Variants in MAML3 observed in about 807,000 individuals in gnomAD.
MAML3 encodes the protein mastermind like transcriptional coactivator 3, also known as mastermind-like protein 3.
Under a neutral mutation model 101.9 loss-of-function variants are expected in MAML3, and 27 were observed. That is an observed-to-expected ratio of 0.27 (90% CI 0.20 to 0.37). The LOEUF (loss-of-function observed/expected upper bound fraction) is 0.37. MAML3 is among the 10% of genes least tolerant of loss of function. The pLI, the probability that MAML3 is intolerant of heterozygous loss-of-function variation, is 1.00. For missense variants in MAML3, 1,316 were observed against 1,444.9 expected (o/e 0.91, Z 1.45); for synonymous variants, 501 against 555.9 (o/e 0.90, Z 1.39).
At chr4:140,053,910 CAG>C (rs1727310561) in intron 1 of MAML3, among the ~76,000 whole-genome samples, 1 of 152,152 alleles carries the variant, frequency 6.6e-6, no homozygotes, top group African/African-American at 2.4e-5. Context: ...AAACATCAGG[CAG>C]GCTAGGGTTT....
intron 1 of MAML3, among the ~76,000 whole-genome samples, chr4:139,995,355 T>C (rs1734787858): frequency 6.6e-6 from 1 of 152,192 alleles, no homozygotes; most frequent in East Asian, 1.9e-4. Flanking sequence ...TGTAATATCA[T>C]TGTCTGGCAT....
chr4:139,802,379 T>C (rs1730625491), intron 2 of MAML3, among the ~76,000 whole-genome samples: 1 of 152,126 alleles, frequency 6.6e-6, no homozygotes, highest in Non-Finnish European at 1.5e-5. Flanking sequence ...ATCCTTCCTA[T>C]CCAGTTGCAT....
At chr4:139,891,608 C>T (rs1732501327) in intron 1 of MAML3, among the ~76,000 whole-genome samples, 1 of 152,122 alleles carries the variant, frequency 6.6e-6, no homozygotes, top group Non-Finnish European at 1.5e-5. Context: ...ATGTAACATA[C>T]TTGAAAACGA....
intron 1 of MAML3, among the ~76,000 whole-genome samples, chr4:140,095,730 C>T: frequency 6.6e-6 from 1 of 152,112 alleles, no homozygotes; most frequent in Non-Finnish European, 1.5e-5. Context: ...CACTGTCACC[C>T]ACTCAATCCT....
At chr4:140,061,040 TAC>T (rs1203089437) in intron 1 of MAML3, among the ~76,000 whole-genome samples, 1 of 152,212 alleles carries the variant, frequency 6.6e-6, no homozygotes, top group Non-Finnish European at 1.5e-5. Context: ...TCAGGTTTTA[TAC>T]AGTCAGGAGT....
In MAML3 at chr4:139,823,657, G is replaced by C. The variant is rs573979548; in HGVS notation, c.2079+65700C>G. ...TCATCATTCCGCCTTCCCTCACCCC[G>C]CTCTGCTTTTTCTTTGTTCCATAGC... is the stretch of plus-strand genomic sequence containing the variant. On this transcript the variant is annotated intron_variant, in intron 2 of 4. Transcript: ENST00000509479. Among the ~76,000 whole-genome samples the C allele has an allele frequency of 3.3e-5, 5 of 150,458 alleles. No homozygotes were observed. The South Asian group carries it at 1.1e-3, about 33-fold the overall frequency.
chr4:140,153,485 G>T lies in MAML3; in HGVS notation c.-158C>A, dbSNP rs1729216402. On this transcript the variant is annotated 5_prime_UTR_variant, in exon 1 of 5. Transcript: ENST00000509479. ...GATCCCGACGGGGCGAAAAAAACGG[G>T]GGGGGAGATTTTGGGGTGGTTTTTG... is the stretch of plus-strand genomic sequence containing the variant. 3 of 811,000 alleles carry T rather than the reference G, an allele frequency of 3.7e-6. No individual in the cohort carries two copies. The highest frequency in any genetic ancestry group is 3.6e-6 in the Non-Finnish European group (2 of 560,854). 50.2% of individuals were successfully genotyped at this position (811,000 alleles called of 1,614,324 possible).
At chr4:139,755,432 C>A (rs2111046818) in intron 2 of MAML3, among the ~76,000 whole-genome samples, 1 of 152,212 alleles carries the variant, frequency 6.6e-6, no homozygotes. Flanking sequence ...TACGGTGAAA[C>A]CCCGTCTCTA....
Position 139,719,364 on chromosome 4 carries a change from C to G in MAML3, c.3376G>C (p.Glu1126Gln). Residue 1126 changes from glutamate to glutamine, a missense_variant, in exon 5 of 5, where the codon GAG becomes CAG. Glu to Gln is a conservative substitution (Grantham distance 29). Coordinates refer to ENST00000509479, the MANE Select transcript of MAML3 (RefSeq NM_018717.5). ...DSIIKGGPGD[E>Q]WMQELDELFG... ...AATTCATCAAGCTCCTGCATCCACT[C>G]GTCCCCTGGCCCGCCTTTGATGATG... The G allele has an allele frequency of 6.2e-7, 1 of 1,608,410 alleles. No homozygotes were observed. The highest frequency in any genetic ancestry group is 1.1e-5 in the South Asian group (1 of 90,492).
rs61371579 is a variant in MAML3, at chr4:139,894,031, G to A, written c.469-3064C>T. 9.3e-3 allele frequency among the ~76,000 whole-genome samples: 1,422 copies of A among 152,228 alleles called. 17 individuals are homozygous for A. The highest frequency in any genetic ancestry group is 0.032 in the African/African-American group (1,332 of 41,534). ...ACTCTCTTATTCTTGGCAAGGTGCC[G>A]TGTATTACAGAACCAATGCAAGAGA... On this transcript the variant is annotated intron_variant, in intron 1 of 4. Coordinates refer to ENST00000509479, the MANE Select transcript of MAML3 (RefSeq NM_018717.5).
intron 2 of MAML3, among the ~76,000 whole-genome samples, chr4:139,795,451 A>C (rs1269602645): frequency 6.6e-6 from 1 of 152,202 alleles, no homozygotes; most frequent in Admixed American, 6.5e-5. Context: ...TAAGGGTGAA[A>C]TTAGAATGGT....
At chr4:139,946,889 C>CCACA (rs544250515) in intron 1 of MAML3, among the ~76,000 whole-genome samples, 20,765 of 125,030 alleles carry the variant, frequency 0.17, 1,640 homozygotes, top group East Asian at 0.33. Flanking sequence ...GCAGAGTAAG[C>CCACA]CACACACACA....
At chr4:140,074,581 A>G (rs574872848) in intron 1 of MAML3, among the ~76,000 whole-genome samples, 10 of 152,362 alleles carry the variant, frequency 6.6e-5, no homozygotes, top group East Asian at 1.9e-4. Flanking sequence ...CACAACATGC[A>G]GTCTATTCCG....
intron 2 of MAML3, among the ~76,000 whole-genome samples, chr4:139,874,920 C>G (rs983549883): frequency 4.0e-5 from 6 of 151,790 alleles, no homozygotes; most frequent in Non-Finnish European, 8.8e-5. Context: ...TCTCCTGCCA[C>G]AGCCTCCCGA....
At chr4:139,828,108 T>G (rs1371893849) in intron 2 of MAML3, among the ~76,000 whole-genome samples, 2 of 152,230 alleles carry the variant, frequency 1.3e-5, no homozygotes. Context: ...TAATTAGTCC[T>G]CTATGTAGGT....
intron 1 of MAML3, among the ~76,000 whole-genome samples, chr4:140,063,542 G>C (rs540078270): frequency 6.0e-4 from 92 of 152,226 alleles, no homozygotes; most frequent in African/African-American, 2.2e-3. Context: ...CCACATTTTG[G>C]GTAGCCTTAA....
At chr4:140,031,460 A>T (rs534964688) in intron 1 of MAML3, among the ~76,000 whole-genome samples, 18 of 152,160 alleles carry the variant, frequency 1.2e-4, no homozygotes, top group Non-Finnish European at 1.3e-4. Flanking sequence ...GAAGTTTGTG[A>T]CTGGATGTGA....
At chr4:139,892,154 T>C (rs1187026827) in intron 1 of MAML3, among the ~76,000 whole-genome samples, 1 of 152,242 alleles carries the variant, frequency 6.6e-6, no homozygotes, top group African/African-American at 2.4e-5. Context: ...AGAAGATAGT[T>C]GAAGCAGGCT....
chr4:140,038,115 T>G (rs1478617673), intron 1 of MAML3, among the ~76,000 whole-genome samples: 1 of 152,252 alleles, frequency 6.6e-6, no homozygotes, highest in Admixed American at 6.5e-5. Flanking sequence ...TCAGAAATTC[T>G]ACATGGGTGA....
Sources: gnomAD v4.1 joint callset for allele counts (sites outside exome capture counted in the v4.1 genomes callset) on GRCh38, gnomAD v4.1.1 for gene constraint, MANE v1.5 for transcripts, NCBI Gene and HGNC (gene_info 2026-07-23, HGNC 2026-07-21) for gene names.